Variants in TECTA observed in about 807,000 individuals in gnomAD.
The protein encoded by TECTA is tectorin alpha, also known as alpha-tectorin.
Under a neutral mutation model 216.8 loss-of-function variants are expected in TECTA, and 128 were observed. That is an observed-to-expected ratio of 0.59 (90% CI 0.51 to 0.68). TECTA has a LOEUF of 0.68. TECTA is among the 30% of genes least tolerant of loss of function. The pLI, the probability that TECTA is intolerant of heterozygous loss-of-function variation, is 0.00. For missense variants in TECTA, 2,551 were observed against 2,786.2 expected (o/e 0.92, Z 1.90); for synonymous variants, 1,089 against 1,117.1 (o/e 0.97, Z 0.50).
intron 20 of TECTA, among the ~76,000 whole-genome samples, chr11:121,175,800 C>T (rs1361884197): frequency 1.3e-5 from 2 of 152,118 alleles, no homozygotes; most frequent in Non-Finnish European, 2.9e-5. Context: ...GTTAAAGTCT[C>T]CCATTATTAT....
At chr11:121,107,479 C>G (rs1033732980) in intron 3 of TECTA, among the ~76,000 whole-genome samples, 1 of 152,220 alleles carries the variant, frequency 6.6e-6, no homozygotes, top group African/African-American at 2.4e-5. Flanking sequence ...CTTCCAAACA[C>G]GTAGACCTAC....
chr11:121,160,134 G>A lies in TECTA; in HGVS notation c.4690-1G>A. On this transcript the variant is annotated splice_acceptor_variant, in intron 14 of 23. Coordinates refer to ENST00000392793, the MANE Select transcript of TECTA (RefSeq NM_005422.4). LOFTEE classifies it high-confidence loss of function. ...TATTTTCTTTTTTCCTCCTCCAATA[G>A]GTGAATGGCACACAAGTGAATGTTC... The A allele has an allele frequency of 1.2e-6, 2 of 1,614,186 alleles. No individual in the cohort carries two copies. The highest frequency in any genetic ancestry group is 1.7e-6 in the Non-Finnish European group (2 of 1,180,048).
At chr11:121,151,379 A>T (rs2135113005) in intron 12 of TECTA, among the ~76,000 whole-genome samples, 1 of 152,358 alleles carries the variant, frequency 6.6e-6, no homozygotes, top group East Asian at 1.9e-4. Context: ...CAGCATAAAC[A>T]CATAAAGTAC....
Position 121,157,997 on chromosome 11 carries a change from C to G in TECTA, c.4462C>G (p.Leu1488Val). The part of the protein sequence containing the change: ...GCFSTKTSYC[L>V]AAGGGVFRTF... ...CTTCAGCACCAAGACCTCCTACTGC[C>G]TGGCGGCCGGCGGCGGCGTCTTCCG... Residue 1488 changes from leucine (L) to valine (V), a missense_variant, in exon 14 of 24, where the codon CTG (leucine) becomes GTG (valine). By Grantham distance (32) the Leu-to-Val change is conservative (BLOSUM62 1). Coordinates refer to ENST00000392793, the MANE Select transcript of TECTA (RefSeq NM_005422.4). The G allele has an allele frequency of 6.2e-7, 1 of 1,613,258 alleles. No homozygotes were observed. Among genetic ancestry groups the G allele is most frequent in the Non-Finnish European group, 8.5e-7 (1 of 1,179,950 alleles).
intron 7 of TECTA, among the ~76,000 whole-genome samples, chr11:121,119,081 G>A (rs1946532493): frequency 1.3e-5 from 2 of 151,590 alleles, no homozygotes; most frequent in South Asian, 4.1e-4. Flanking sequence ...CATGGTCCTG[G>A]CTTGCAATAA....
rs1946379253 is a variant in TECTA, at chr11:121,105,087, G to A, written c.65-744G>A. Among the ~76,000 whole-genome samples the A allele has an allele frequency of 6.6e-6, 1 of 152,192 alleles. No homozygotes were observed. The highest frequency in any genetic ancestry group is 1.5e-5 in the Non-Finnish European group (1 of 68,038). On this transcript the variant is annotated intron_variant, in intron 2 of 23. Transcript: ENST00000392793. This position sits in a 1 kb window ranked among gnomAD's most constrained non-coding sequence, Gnocchi z 5.3. ...ACCTGGGAGCAGCAAGCCAGGAGAG[G>A]AGGTGACCCTGTCACAGCGGGATGC...
At chr11:121,187,277 G>A (rs1947297215) in intron 20 of TECTA, among the ~76,000 whole-genome samples, 1 of 152,128 alleles carries the variant, frequency 6.6e-6, no homozygotes, top group South Asian at 2.1e-4. Context: ...TTGTCTCTTG[G>A]CTCAATGCCA....
chr11:121,102,737 C>A lies in TECTA; in HGVS notation c.64+8C>A, dbSNP rs1165467868. On this transcript the variant is annotated splice_region_variant and intron_variant, in intron 2 of 23. Transcript: ENST00000392793. ...CACTTGTACAGCACCAAGGTGAGTA[C>A]TACAGAATTCCATAAAGCTCTCAGT... The A allele has an allele frequency of 6.2e-7, 1 of 1,611,628 alleles. No individual in the cohort carries two copies. The highest frequency in any genetic ancestry group is 1.3e-5 in the African/African-American group (1 of 74,782).
chr11:121,181,123 C>T (rs564560056), intron 20 of TECTA, among the ~76,000 whole-genome samples: 20 of 152,246 alleles, frequency 1.3e-4, no homozygotes, highest in African/African-American at 4.8e-4. Context: ...TGAGATCTCA[C>T]CACCGCACTC....
Position 121,160,322 on chromosome 11 carries a change from A to G in TECTA, c.4877A>G (p.Asn1626Ser). The change falls in exon 15 of 24, where the codon AAC becomes AGC. Residue 1626 changes from asparagine to serine, a missense_variant. Asn to Ser is a conservative substitution (Grantham distance 46). Coordinates refer to ENST00000392793, the MANE Select transcript of TECTA (RefSeq NM_005422.4). ...NKVCGLCGNF[N>S]GDLTDDYVTL... ...GTGTGCGGTCTCTGTGGCAACTTCA[A>G]CGGGGACCTAACAGATGATTATGTG... is the stretch of plus-strand genomic sequence containing the variant. 6.2e-7 allele frequency: 1 copy of G among 1,614,150 alleles called. No individual in the cohort carries two copies. The highest frequency in any genetic ancestry group is 8.5e-7 in the Non-Finnish European group (1 of 1,180,024).
At chr11:121,176,020 T>C (rs1463982897) in intron 20 of TECTA, among the ~76,000 whole-genome samples, 2 of 151,162 alleles carry the variant, frequency 1.3e-5, no homozygotes, top group African/African-American at 4.9e-5. Context: ...ACCCCTGCCT[T>C]TTTTTTTTCC....
intron 6 of TECTA, among the ~76,000 whole-genome samples, chr11:121,116,588 C>G (rs1946504298): frequency 6.6e-6 from 1 of 152,146 alleles, no homozygotes; most frequent in African/African-American, 2.4e-5. Context: ...TTTCAATATC[C>G]TTATATAGAC....
Position 121,162,103 on chromosome 11 carries a change from C to T in TECTA, c.5005C>T (p.Gln1669Ter), listed in dbSNP as rs1947006008. 1 of 1,614,160 alleles carries T rather than the reference C, an allele frequency of 6.2e-7. No individual in the cohort carries two copies. The highest frequency in any genetic ancestry group is 8.5e-7 in the Non-Finnish European group (1 of 1,180,042). Residue 1669 changes from glutamine to a stop codon, truncating the protein, a stop_gained, in exon 16 of 24, where the codon CAG becomes TAG. Transcript: ENST00000392793. LOFTEE classifies it high-confidence loss of function. The part of the protein sequence containing the change: ...RPLAPSCNEL[Q>*]FSQYAAMCDN... ...TCTTGCCCCCAGCTGCAACGAGCTG[C>T]AGTTCTCACAGTATGCAGCCATGTG...
intron 6 of TECTA, among the ~76,000 whole-genome samples, chr11:121,115,257 C>T (rs556505836): frequency 1.5e-4 from 22 of 151,430 alleles, no homozygotes; most frequent in African/African-American, 5.3e-4. Flanking sequence ...ACTCACCCAT[C>T]CACCAACCCA....
At chr11:121,146,424 G>A in intron 12 of TECTA, 1 of 419,858 alleles carries the variant, frequency 2.4e-6, no homozygotes, top group East Asian at 4.2e-5. Flanking sequence ...ACAATAGAAT[G>A]CTAACGAGAT....
chr11:121,114,427 G>A (rs1946476483), intron 6 of TECTA, among the ~76,000 whole-genome samples: 1 of 152,176 alleles, frequency 6.6e-6, no homozygotes, highest in Non-Finnish European at 1.5e-5. Flanking sequence ...AAACATCCTG[G>A]TTTATGAATT....
At chr11:121,134,635 C>T (rs1243519946) in intron 10 of TECTA, among the ~76,000 whole-genome samples, 9 of 152,050 alleles carry the variant, frequency 5.9e-5, no homozygotes, top group African/African-American at 2.2e-4. Context: ...TTATCCAACA[C>T]GATCTCTGTT....
At chr11:121,172,598 T>G in intron 20 of TECTA, among the ~76,000 whole-genome samples, 1 of 152,070 alleles carries the variant, frequency 6.6e-6, no homozygotes, top group Non-Finnish European at 1.5e-5. Context: ...TTGTTGGACA[T>G]TTGGGTTGGT....
intron 14 of TECTA, among the ~76,000 whole-genome samples, chr11:121,158,674 C>G (rs1197588503): frequency 6.6e-6 from 1 of 152,084 alleles, no homozygotes; most frequent in African/African-American, 2.4e-5. Flanking sequence ...CTAAAAAACA[C>G]CAATCTGAGT....
Sources: allele counts gnomAD v4.1 joint callset (sites outside exome capture counted in the v4.1 genomes callset), GRCh38; gene constraint gnomAD v4.1.1; non-coding constraint Gnocchi (gnomAD v3.1); transcripts MANE v1.5; gene names NCBI Gene and HGNC (gene_info 2026-07-23, HGNC 2026-07-21).